Variants in WNT2B observed in about 807,000 individuals in gnomAD.
WNT2B encodes Wnt family member 2B, also known as protein Wnt-2b.
A neutral mutation model predicts 40.5 loss-of-function variants in WNT2B; 19 were observed. That is an observed-to-expected ratio of 0.47 (90% CI 0.33 to 0.69). The LOEUF is 0.69. Ranked by LOEUF, WNT2B falls within the 30% of genes least tolerant of loss-of-function variation. WNT2B has a pLI of 0.02. For missense variants in WNT2B, 467 were observed against 556.4 expected (o/e 0.84, Z 1.62); for synonymous variants, 220 against 211.9 (o/e 1.04, Z -0.33).
At position 112,502,218 on chromosome 1, in the gene WNT2B, C is replaced by T. The variant is rs3790602; in HGVS notation, c.-94-12656C>T. On this transcript the variant is annotated intron_variant, in intron 1 of 4. Transcript: ENST00000256640. ...CCGTGGCGGACGCCGGGAGGAGCCA[C>T]CGGGCTCTCCTCTCAGGAGCGCGTC... is the stretch of plus-strand genomic sequence containing the variant. Among the ~76,000 whole-genome samples, 456 of 152,306 alleles carry T rather than the reference C, an allele frequency of 3.0e-3. 1 individual carries two copies. Among genetic ancestry groups the T allele is most frequent in the East Asian group, 0.014 (73 of 5,160 alleles).
chr1:112,505,018 T>G (rs1652068529), upstream of WNT2B, among the ~76,000 whole-genome samples: 1 of 151,794 alleles, frequency 6.6e-6, no homozygotes, highest in East Asian at 1.9e-4. Context: ...GAGAACAGAG[T>G]GAAAAGAAAT....
chr1:112,514,749 A>C, intron 1 of WNT2B, 125 bp from the exon 2 acceptor site: 1 of 827,260 alleles, frequency 1.2e-6, no homozygotes, highest in Non-Finnish European at 2.0e-6. Flanking sequence ...GCTTTATGGA[A>C]TGTGGGTTAG....
intron 1 of WNT2B, among the ~76,000 whole-genome samples, chr1:112,467,891 C>T (rs951456937): frequency 1.3e-5 from 2 of 152,186 alleles, no homozygotes; most frequent in African/African-American, 4.8e-5. Flanking sequence ...TGCTATCAAA[C>T]ATTAGAACTT....
At position 112,509,390 on chromosome 1, in the gene WNT2B, G is replaced by T; in HGVS notation, c.128G>T (p.Cys43Phe). 6.3e-7 allele frequency: 1 copy of T among 1,596,926 alleles called. No individual in the cohort carries two copies. The highest frequency in any genetic ancestry group is 8.5e-7 in the Non-Finnish European group (1 of 1,177,404). Residue 43 changes from cysteine (C) to phenylalanine (F), a missense_variant, in exon 1 of 5, where the codon TGC (cysteine) becomes TTC (phenylalanine). By Grantham distance (205) the Cys-to-Phe change is radical. This residue lies in a region of WNT2B where 137 missense variants were observed against 117.7 expected (regional missense o/e 1.16). Coordinates refer to ENST00000369684, the MANE Select transcript of WNT2B (RefSeq NM_024494.3). The surrounding 1 kb of genome is among the most constrained non-coding windows in gnomAD (Gnocchi z 4.2). ...GCTTCGGCCCGCCTAGGTCTTGCCTGCCTTCTGCTCCTGCTGCTGCTGACG... is the reference window on the plus strand; with the variant it reads ...GCTTCGGCCCGCCTAGGTCTTGCCTTCCTTCTGCTCCTGCTGCTGCTGACG... ...SRASARLGLA[C>F]LLLLLLLTLP...
In WNT2B at chr1:112,529,719, G is replaced by T. The variant is rs1213850628; in HGVS notation, c.*9210G>T. ...GAACTTGAGGCCAAAAAAACAGAAG[G>T]TTACTCTCAATGCCATCCAAAAGAT... On this transcript the variant is annotated 3_prime_UTR_variant, in exon 5 of 5. Transcript: ENST00000369684. 3 of 142,686 alleles carry T rather than the reference G, an allele frequency of 2.1e-5. No individual in the cohort carries two copies. The highest frequency in any genetic ancestry group is 7.9e-5 in the African/African-American group (3 of 37,830). The allele number at this position is 142,686 out of a possible 1,614,324, so 8.8% of individuals were successfully genotyped here.
At chr1:112,468,279 C>A (rs564057419) in intron 1 of WNT2B, among the ~76,000 whole-genome samples, 1 of 152,256 alleles carries the variant, frequency 6.6e-6, no homozygotes, top group African/African-American at 2.4e-5. Flanking sequence ...ACGCAGGCAT[C>A]CCTTTGATAT....
chr1:112,475,709 G>T (rs1260929367), intron 1 of WNT2B, among the ~76,000 whole-genome samples: 1 of 151,616 alleles, frequency 6.6e-6, no homozygotes, highest in African/African-American at 2.4e-5. Flanking sequence ...AAACTAATAA[G>T]GCAACAAAGA....
intron 3 of WNT2B, among the ~76,000 whole-genome samples, chr1:112,516,803 C>T (rs921682880): frequency 2.0e-5 from 3 of 152,212 alleles, no homozygotes; most frequent in Admixed American, 2.0e-4. Flanking sequence ...GGCATGGTAC[C>T]TGGCACTCTA....
chr1:112,511,079 C>T (rs1652332672), intron 1 of WNT2B, among the ~76,000 whole-genome samples: 1 of 152,150 alleles, frequency 6.6e-6, no homozygotes, highest in South Asian at 2.1e-4. Flanking sequence ...CTGGTAATTT[C>T]AGCATCCTGG....
chr1:112,520,332 C>T lies in WNT2B; in HGVS notation c.999C>T (p.Asp333=), dbSNP rs1309578696. ...RVCSKTSKGT[D]GCEIMCCGRG... is the part of the protein sequence containing the mutation. ...GCAGCAAGACATCAAAAGGAACAGA[C>T]GGTTGTGAAATCATGTGCTGTGGCC... Residue 333 remains aspartate (D), a synonymous_variant, in exon 5 of 5, where the codon GAC becomes GAT. Transcript: ENST00000369684. 6 of 1,614,174 alleles carry T rather than the reference C, an allele frequency of 3.7e-6. No homozygotes were observed. The highest frequency in any genetic ancestry group is 2.7e-5 in the African/African-American group (2 of 75,056).
chr1:112,484,294 C>CAT (rs1557909971), intron 1 of WNT2B, among the ~76,000 whole-genome samples: 1 of 106,604 alleles, frequency 9.4e-6, no homozygotes, highest in Non-Finnish European at 1.8e-5. Flanking sequence ...TATATATACA[C>CAT]ACACATATAT....
intron 1 of WNT2B, among the ~76,000 whole-genome samples, chr1:112,492,979 G>T (rs1356306421): frequency 1.3e-5 from 2 of 152,072 alleles, no homozygotes; most frequent in Non-Finnish European, 2.9e-5. Context: ...CATCATGCCT[G>T]GCTATCAAGA....
chr1:112,468,877 C>G (rs1650787819), intron 1 of WNT2B, among the ~76,000 whole-genome samples: 1 of 152,096 alleles, frequency 6.6e-6, no homozygotes, highest in South Asian at 2.1e-4. Flanking sequence ...AAAATCTTTG[C>G]CTAGACCAAT....
upstream of WNT2B, among the ~76,000 whole-genome samples, chr1:112,507,269 T>A (rs142173203): frequency 1.9e-3 from 293 of 152,328 alleles, no homozygotes; most frequent in African/African-American, 6.0e-3. Context: ...TTCTGATGTT[T>A]ATTGTTTATG....
chr1:112,499,733 ACT>A (rs2101072509), intron 1 of WNT2B, among the ~76,000 whole-genome samples: 2 of 152,318 alleles, frequency 1.3e-5, no homozygotes, highest in South Asian at 4.1e-4. Flanking sequence ...CATGGTGGAA[ACT>A]CAGGTTGCTA....
intron 1 of WNT2B, among the ~76,000 whole-genome samples, chr1:112,512,244 T>A (rs7516434): frequency 0.065 from 9,887 of 152,214 alleles, 1,055 homozygotes; most frequent in African/African-American, 0.22. Context: ...CAGTTAGGTG[T>A]TTATTCAACA....
At chr1:112,483,229 C>T (rs1651288490) in intron 1 of WNT2B, among the ~76,000 whole-genome samples, 1 of 134,688 alleles carries the variant, frequency 7.4e-6, no homozygotes, top group Non-Finnish European at 1.6e-5. Context: ...CACATATACA[C>T]ACACACACAC....
Position 112,522,279 on chromosome 1 carries a change from TG to T in WNT2B, c.*1771del, listed in dbSNP as rs1249310773. ...TCTTGGTCTCAAGCAATCCTCCCAC[TG>T]CAGCCTTCCAAAGTGCTGGGCGTAC... On this transcript the variant is annotated 3_prime_UTR_variant, in exon 5 of 5. Coordinates refer to ENST00000369684, the MANE Select transcript of WNT2B (RefSeq NM_024494.3). 5 of 152,264 alleles carry T rather than the reference TG, an allele frequency of 3.3e-5. No individual in the cohort carries two copies. Among genetic ancestry groups the T allele is most frequent in the Non-Finnish European group, 7.3e-5 (5 of 68,076 alleles). 9.4% of individuals were successfully genotyped at this position (152,264 alleles called of 1,614,324 possible).
At chr1:112,511,817 T>C (rs1265855256) in intron 1 of WNT2B, among the ~76,000 whole-genome samples, 1 of 152,248 alleles carries the variant, frequency 6.6e-6, no homozygotes, top group Non-Finnish European at 1.5e-5. Context: ...GCACTACTTT[T>C]ACCAACAGCA....
Sources: gnomAD v4.1 joint callset for allele counts (sites outside exome capture counted in the v4.1 genomes callset) on GRCh38, gnomAD v4.1.1 for gene constraint, gnomAD v4.1.1 regional missense constraint, Gnocchi (gnomAD v3.1) non-coding constraint, MANE v1.5 for transcripts, NCBI Gene and HGNC (gene_info 2026-07-23, HGNC 2026-07-21) for gene names.